SHTN1: variants seen among roughly 807,000 people sequenced by gnomAD.
The protein encoded by SHTN1 is shootin-1.
A neutral mutation model predicts 83.1 loss-of-function variants in SHTN1; 42 were observed. That is an observed-to-expected ratio of 0.51 (90% CI 0.39 to 0.65). The LOEUF (loss-of-function observed/expected upper bound fraction) is 0.65. SHTN1 is among the 30% of genes least tolerant of loss of function. SHTN1 has a pLI of 0.00. For missense variants in SHTN1, 622 were observed against 737.8 expected, an observed-to-expected ratio of 0.84 and a Z score of 1.82; for synonymous variants, 224 against 247.7, an observed-to-expected ratio of 0.90 and a Z score of 0.90.
At chr10:117,095,464 G>T (rs935319129) in intron 1 of SHTN1, among the ~76,000 whole-genome samples, 1 of 152,156 alleles carries the variant, frequency 6.6e-6, no homozygotes, top group African/African-American at 2.4e-5. Context: ...ATTAAGGTTT[G>T]CTTCGAAAAT....
chr10:116,938,803 G>A (rs1045945440), intron 9 of SHTN1, among the ~76,000 whole-genome samples: 1 of 152,228 alleles, frequency 6.6e-6, no homozygotes, highest in African/African-American at 2.4e-5. Context: ...CCAGGGAGAT[G>A]GGAGTTTTAT....
At chr10:117,061,045 C>T (rs111418992) in intron 1 of SHTN1, among the ~76,000 whole-genome samples, 441 of 152,220 alleles carry the variant, frequency 2.9e-3, no homozygotes, top group African/African-American at 0.01. Context: ...AAATGGTCCA[C>T]CTTTGCTGGC....
At chr10:117,027,777 C>T (rs1008653589) in intron 2 of SHTN1, among the ~76,000 whole-genome samples, 3 of 152,172 alleles carry the variant, frequency 2.0e-5, no homozygotes, top group East Asian at 1.9e-4. Context: ...GCATTACAGG[C>T]GTGAGCCACC....
chr10:117,101,549 A>G (rs1266862111), intron 1 of SHTN1, among the ~76,000 whole-genome samples: 1 of 152,198 alleles, frequency 6.6e-6, no homozygotes, highest in Non-Finnish European at 1.5e-5. Flanking sequence ...AAAATAAGAG[A>G]CGAATTCTCA....
chr10:117,040,239 G>C (rs1267860914), intron 2 of SHTN1, among the ~76,000 whole-genome samples: 1 of 152,058 alleles, frequency 6.6e-6, no homozygotes, highest in African/African-American at 2.4e-5. Context: ...CAATCTTTAA[G>C]AAGAAGAATG....
chr10:117,040,733 TGTTTACTATGGTCTGAACA>T (rs1160033704), intron 2 of SHTN1, among the ~76,000 whole-genome samples: 2 of 152,206 alleles, frequency 1.3e-5, no homozygotes, highest in Non-Finnish European at 2.9e-5. Context: ...ACTTTTGTGG[TGTTTACTATGGTCTGAACA>T]GTTTACTTCA....
At chr10:117,007,828 C>A (rs1368573438), upstream of SHTN1, among the ~76,000 whole-genome samples, 2 of 151,696 alleles carry the variant, frequency 1.3e-5, no homozygotes, top group East Asian at 1.9e-4. Context: ...CTGGCTAACA[C>A]GGTGAAACCC....
chr10:116,956,041 C>G lies in SHTN1; in HGVS notation c.268-1831G>C, dbSNP rs1178941840. On this transcript the variant is annotated intron_variant, in intron 4 of 16. Transcript: ENST00000355371. ...CTCACTTGTCAATTCTCAAACTATC[C>G]CATCTTTTAGGAATGTCAGAAGAAA... Among the ~76,000 whole-genome samples the G allele has an allele frequency of 1.6e-4, 24 of 152,158 alleles. 1 individual carries two copies. The highest frequency in any genetic ancestry group is 2.9e-5 in the Non-Finnish European group (2 of 68,020).
chr10:116,883,966 G>A lies in SHTN1; in HGVS notation c.*2378C>T. On this transcript the variant is annotated 3_prime_UTR_variant, in exon 17 of 17. Transcript: ENST00000355371. ...TTTTCTTTAATAGCAATGGCACAAA[G>A]TACCTCTATCTCTGTTCCTCACTCG... 1 of 195,998 alleles carries A rather than the reference G, an allele frequency of 5.1e-6. No individual in the cohort carries two copies. The highest frequency in any genetic ancestry group is 1.1e-5 in the Non-Finnish European group (1 of 92,242). 12.1% of individuals were successfully genotyped at this position (195,998 alleles called of 1,614,324 possible). A position where few individuals can be genotyped will look rare whatever the true frequency, so the allele number is the denominator to read the frequency against.
chr10:117,071,413 G>A (rs1431220287), intron 1 of SHTN1, among the ~76,000 whole-genome samples: 4 of 152,168 alleles, frequency 2.6e-5, no homozygotes, highest in Non-Finnish European at 5.9e-5. Flanking sequence ...TGCTAGGACC[G>A]CTAATAGCAT....
intron 16 of SHTN1, among the ~76,000 whole-genome samples, chr10:116,896,611 A>G (rs1247592607): frequency 6.6e-6 from 1 of 152,188 alleles, no homozygotes; most frequent in African/African-American, 2.4e-5. Flanking sequence ...ATTTGGAAAC[A>G]TATGTTGAAT....
intron 2 of SHTN1, among the ~76,000 whole-genome samples, chr10:117,012,172 C>A (rs1852117075): frequency 1.3e-5 from 2 of 149,192 alleles, no homozygotes. Flanking sequence ...GGAAAAAAAA[C>A]CCTCAATATT....
intron 8 of SHTN1, among the ~76,000 whole-genome samples, chr10:116,941,067 T>C (rs1849353972): frequency 6.6e-6 from 1 of 152,218 alleles, no homozygotes. Flanking sequence ...TTATATCATA[T>C]AATCCTTAAA....
intron 1 of SHTN1, among the ~76,000 whole-genome samples, chr10:117,119,380 A>G (rs1170667256): frequency 6.6e-6 from 1 of 152,240 alleles, no homozygotes; most frequent in Non-Finnish European, 1.5e-5. Context: ...TAAAATGGGC[A>G]AAGGATTTCA....
intron 3 of SHTN1, among the ~76,000 whole-genome samples, chr10:116,967,089 C>G (rs1181772535): frequency 6.6e-6 from 1 of 152,094 alleles, no homozygotes; most frequent in Non-Finnish European, 1.5e-5. Context: ...TGTGTAGTTA[C>G]CAAATCAACT....
intron 4 of SHTN1, among the ~76,000 whole-genome samples, 156 bp downstream of exon 4, chr10:116,959,980 T>A (rs934364701): frequency 6.6e-6 from 1 of 152,210 alleles, no homozygotes; most frequent in South Asian, 2.1e-4. Flanking sequence ...TACATAATCA[T>A]ATTCCAGGAT....
chr10:116,982,410 TACACAGACATGCACACACATACACAC>T (rs545715697), intron 1 of SHTN1, among the ~76,000 whole-genome samples: 29 of 152,074 alleles, frequency 1.9e-4, no homozygotes, highest in Non-Finnish European at 3.7e-4. Context: ...AAACAACACA[TACACAGACATGCACACACATACACAC>T]ACATATGTAT....
intron 2 of SHTN1, among the ~76,000 whole-genome samples, chr10:117,018,567 C>CCTT (rs1564932242): frequency 7.4e-6 from 1 of 135,812 alleles, no homozygotes. Context: ...CTGCTCTCAC[C>CCTT]ATTTTTTTTT....
intron 1 of SHTN1, among the ~76,000 whole-genome samples, chr10:117,112,010 G>C (rs1264853301): frequency 6.6e-6 from 1 of 152,038 alleles, no homozygotes; most frequent in Non-Finnish European, 1.5e-5. Context: ...CTGTCACCCA[G>C]GCTGGAGTCC....
Sources: allele counts gnomAD v4.1 joint callset (sites outside exome capture counted in the v4.1 genomes callset), GRCh38; gene constraint gnomAD v4.1.1; transcripts MANE v1.5; gene names NCBI Gene and HGNC (gene_info 2026-07-23, HGNC 2026-07-21).